Variants in PGAP1 observed in about 807,000 individuals in gnomAD.
PGAP1 encodes the protein post-GPI attachment to proteins inositol deacylase 1, also known as GPI inositol-deacylase.
PGAP1 carries 76 observed loss-of-function variants against 127.0 expected under a neutral mutation model. The observed-to-expected ratio is 0.60, with a 90% CI of 0.50 to 0.72. The LOEUF is 0.72. PGAP1 is among the 30% of genes least tolerant of loss of function. PGAP1 has a pLI of 0.00. For missense variants in PGAP1, 982 were observed against 1,071.3 expected, an observed-to-expected ratio of 0.92 and a Z score of 1.16; for synonymous variants, 362 against 366.5, an observed-to-expected ratio of 0.99 and a Z score of 0.14.
chr2:196,875,237 C>T (rs1190812448), intron 14 of PGAP1, among the ~76,000 whole-genome samples: 1 of 152,056 alleles, frequency 6.6e-6, no homozygotes, highest in African/African-American at 2.4e-5. Context: ...CAAATAAAGC[C>T]TGTAGTTTAA....
intron 12 of PGAP1, among the ~76,000 whole-genome samples, chr2:196,883,927 C>G (rs1215279764): frequency 6.6e-6 from 1 of 152,184 alleles, no homozygotes; most frequent in Non-Finnish European, 1.5e-5. Context: ...TAACTTCTCT[C>G]TTTCAGCATT....
At chr2:196,852,719 T>C (rs955458833) in intron 20 of PGAP1, among the ~76,000 whole-genome samples, 3 of 151,924 alleles carry the variant, frequency 2.0e-5, no homozygotes, top group Non-Finnish European at 4.4e-5. Context: ...AAGTTATGGG[T>C]TGAGAATGTG....
At chr2:196,869,606 T>C (rs1462475924) in intron 19 of PGAP1, among the ~76,000 whole-genome samples, 1 of 152,226 alleles carries the variant, frequency 6.6e-6, no homozygotes, top group African/African-American at 2.4e-5. Flanking sequence ...AGTGCTGGGA[T>C]TACAGGCGTG....
At chr2:196,848,683 C>T (rs559455860) in intron 20 of PGAP1, among the ~76,000 whole-genome samples, 4 of 152,174 alleles carry the variant, frequency 2.6e-5, no homozygotes, top group South Asian at 2.1e-4. Flanking sequence ...GATTATACTA[C>T]ATTTTATTTT....
chr2:196,865,061 C>A lies in PGAP1; in HGVS notation c.1787G>T (p.Gly596Val), dbSNP rs1701194113. The stretch of plus-strand genomic sequence containing the variant: ...AGATACGACATAAGCAGGAAGAGCT[C>A]CACCATGAAATCTAACTACCTAAAA... ...ILGQVVRFHG[G>V]ALPAYVVSNI... The change falls in exon 20 of 27, where the codon GGA becomes GTA. Residue 596 changes from glycine to valine, a missense_variant. Gly to Val is a moderately radical substitution (Grantham distance 109, BLOSUM62 -3). Coordinates refer to ENST00000354764, the MANE Select transcript of PGAP1 (RefSeq NM_024989.4). 5 of 1,562,256 alleles carry A rather than the reference C, an allele frequency of 3.2e-6. No individual in the cohort carries two copies. The highest frequency in any genetic ancestry group is 4.3e-6 in the Non-Finnish European group (5 of 1,161,260).
chr2:196,851,654 C>T (rs1700725258), intron 20 of PGAP1, among the ~76,000 whole-genome samples: 1 of 152,098 alleles, frequency 6.6e-6, no homozygotes, highest in African/African-American at 2.4e-5. Context: ...GTTTGTGATG[C>T]TTAGAACTGG....
intron 20 of PGAP1, among the ~76,000 whole-genome samples, chr2:196,857,535 G>A (rs188145903): frequency 6.6e-6 from 1 of 152,288 alleles, no homozygotes; most frequent in East Asian, 1.9e-4. Flanking sequence ...TCTAACTATG[G>A]GGTGATTGAT....
intron 3 of PGAP1, among the ~76,000 whole-genome samples, chr2:196,913,341 T>C (rs1702897306): frequency 6.6e-6 from 1 of 152,202 alleles, no homozygotes; most frequent in Non-Finnish European, 1.5e-5. Flanking sequence ...CTACATGTAA[T>C]GTGAGGAGTA....
intron 2 of PGAP1, 107 bp downstream of exon 2, chr2:196,919,890 C>T (rs1703130066): frequency 5.2e-6 from 6 of 1,143,434 alleles, no homozygotes; most frequent in Non-Finnish European, 7.5e-6. Context: ...GCACTTCACA[C>T]ACAGCATGCA....
intron 20 of PGAP1, among the ~76,000 whole-genome samples, chr2:196,864,246 C>T (rs542077120): frequency 6.7e-4 from 101 of 151,518 alleles, no homozygotes; most frequent in African/African-American, 2.0e-3. Flanking sequence ...AAAAATTAGC[C>T]GGACATGGTT....
At chr2:196,875,162 A>C (rs1226013848) in intron 14 of PGAP1, among the ~76,000 whole-genome samples, 1 of 152,254 alleles carries the variant, frequency 6.6e-6, no homozygotes. Context: ...CTTAGGAGTC[A>C]TGACAACTAA....
At chr2:196,878,496 G>T (rs548023152) in intron 13 of PGAP1, among the ~76,000 whole-genome samples, 2 of 152,256 alleles carry the variant, frequency 1.3e-5, no homozygotes, top group South Asian at 4.1e-4. Flanking sequence ...CCACCTGTCA[G>T]AAAGTTTTTA....
Position 196,885,424 on chromosome 2 carries a change from C to A in PGAP1, c.1272G>T (p.Lys424Asn). Reference protein sequence around the residue: ...SWKAELLPTIKYLTLRLQDYP... With the variant: ...SWKAELLPTINYLTLRLQDYP... Reference sequence around the variant, plus strand: ...TTAAAATTCTGAAGCCATAATTTACCTTAATTGTTGGCAGCAGTTCAGCTT... The same window carrying A: ...TTAAAATTCTGAAGCCATAATTTACATTAATTGTTGGCAGCAGTTCAGCTT... The change falls in exon 12 of 27, where the codon AAG (lysine) becomes AAT (asparagine). Residue 424 changes from lysine to asparagine, a missense_variant and splice_region_variant. Coordinates refer to ENST00000354764, the MANE Select transcript of PGAP1 (RefSeq NM_024989.4). The A allele has an allele frequency of 1.3e-6, 2 of 1,591,950 alleles. No individual in the cohort carries two copies. The highest frequency in any genetic ancestry group is 1.7e-6 in the Non-Finnish European group (2 of 1,166,822).
intron 1 of PGAP1, 38 bp from the exon 2 acceptor site, chr2:196,920,188 T>C: frequency 6.4e-7 from 1 of 1,555,714 alleles, no homozygotes; most frequent in East Asian, 2.3e-5. Flanking sequence ...TTAATCAGTT[T>C]TATTAATACA....
At chr2:196,855,060 C>T (rs1193535269) in intron 20 of PGAP1, among the ~76,000 whole-genome samples, 1 of 151,422 alleles carries the variant, frequency 6.6e-6, no homozygotes, top group Non-Finnish European at 1.5e-5. Flanking sequence ...CGGTGGCTCA[C>T]GCCTGTAATC....
intron 1 of PGAP1, among the ~76,000 whole-genome samples, chr2:196,924,767 C>T (rs539550400): frequency 6.6e-6 from 1 of 152,230 alleles, no homozygotes; most frequent in Non-Finnish European, 1.5e-5. Context: ...TCTGTTTTTC[C>T]AGTCAATTTA....
chr2:196,896,386 G>A (rs1367105936), intron 7 of PGAP1, among the ~76,000 whole-genome samples: 3 of 152,130 alleles, frequency 2.0e-5, no homozygotes, highest in Non-Finnish European at 4.4e-5. Context: ...GGAGGCTGAG[G>A]TGGGAGAATC....
intron 9 of PGAP1, among the ~76,000 whole-genome samples, 170 bp from the exon 10 acceptor site, chr2:196,891,081 A>C (rs1325196971): frequency 1.2e-4 from 19 of 152,218 alleles, no homozygotes; most frequent in Admixed American, 1.2e-3. Context: ...GGCAAGAGAA[A>C]GATTAGGTAT....
Position 196,906,948 on chromosome 2 carries a change from A to C in PGAP1, c.650-4206T>G, listed in dbSNP as rs552312686. ...CAAAACCTCCAAGAAATATGGGTCT[A>C]TGTGAAAAGACCAAATCTACGTCTG... On this transcript the variant is annotated intron_variant, in intron 4 of 26. Transcript: ENST00000354764. Among the ~76,000 whole-genome samples, 44 of 145,348 alleles carry C rather than the reference A, an allele frequency of 3.0e-4. No individual in the cohort carries two copies. The South Asian group carries it at 8.9e-3, about 29-fold the overall frequency.
Sources: gnomAD v4.1 joint callset for allele counts (sites outside exome capture counted in the v4.1 genomes callset) on GRCh38, gnomAD v4.1.1 for gene constraint, MANE v1.5 for transcripts, NCBI Gene and HGNC (gene_info 2026-07-23, HGNC 2026-07-21) for gene names.